The following RNF216 variants were observed in gnomAD, a reference collection of about 807,000 sequenced individuals.
RNF216 encodes the protein E3 ubiquitin-protein ligase RNF216.
In RNF216, 72 loss-of-function variants were observed where a neutral mutation model predicts 110.8. The ratio of observed to expected loss-of-function variants is 0.65; its 90% CI spans 0.54 to 0.79. The LOEUF (loss-of-function observed/expected upper bound fraction) is 0.79, where lower values mean the gene tolerates loss of function less well. Among genes scored for constraint, RNF216 ranks in the 30% least tolerant of loss-of-function variants. The pLI is 0.00. For synonymous variants in RNF216, 495 were observed against 407.5 expected (o/e 1.21, Z -2.59); for missense variants, 1,342 against 1,141.2 (o/e 1.18, Z -2.54).
intron 14 of RNF216, among the ~76,000 whole-genome samples, chr7:5,650,382 C>G (rs1788316556): frequency 2.0e-5 from 3 of 152,186 alleles, no homozygotes; most frequent in African/African-American, 2.4e-5. Context: ...ATAGGACAAT[C>G]AGAATGAAGG....
chr7:5,737,150 T>C (rs993353103), intron 5 of RNF216, among the ~76,000 whole-genome samples: 3 of 152,214 alleles, frequency 2.0e-5, no homozygotes, highest in African/African-American at 7.2e-5. Context: ...GAAGTAGACA[T>C]AGGAGACTCC....
intron 13 of RNF216, among the ~76,000 whole-genome samples, chr7:5,709,781 G>A (rs1435231423): frequency 6.6e-6 from 1 of 152,144 alleles, no homozygotes; most frequent in Non-Finnish European, 1.5e-5. Context: ...TAAAGACAGA[G>A]TCTTAGTCTG....
At chr7:5,763,597 G>C (rs1176197953) in intron 1 of RNF216, among the ~76,000 whole-genome samples, 1 of 152,024 alleles carries the variant, frequency 6.6e-6, no homozygotes, top group Admixed American at 6.6e-5. Flanking sequence ...TTTTGAGCCA[G>C]TCTCTCTCTG....
In RNF216 at chr7:5,691,470, G is replaced by A. The variant is rs528747916; in HGVS notation, c.2061+20291C>T. ...AAGAGAGGTTTCAAGGTTAAAGGCA[G>A]TAATGGAGAGAGCTATGGTGGGGGT... On this transcript the variant is annotated intron_variant, in intron 13 of 16. Coordinates refer to ENST00000389902, the MANE Select transcript of RNF216 (RefSeq NM_207111.4). Among the ~76,000 whole-genome samples, 10 of 151,950 alleles carry A rather than the reference G, an allele frequency of 6.6e-5. No individual in the cohort carries two copies. In the South Asian group the frequency reaches 1.2e-3, roughly 19 times the overall value.
chr7:5,658,058 C>G (rs990756230), intron 13 of RNF216, among the ~76,000 whole-genome samples: 2 of 152,200 alleles, frequency 1.3e-5, no homozygotes, highest in Admixed American at 6.5e-5. Context: ...GCACACACGG[C>G]AGGGGAGCAT....
At chr7:5,631,176 A>T (rs1396830950) in intron 15 of RNF216, among the ~76,000 whole-genome samples, 1 of 152,238 alleles carries the variant, frequency 6.6e-6, no homozygotes, top group Non-Finnish European at 1.5e-5. Context: ...GCCAAAACGC[A>T]GAGCAAGGGG....
At chr7:5,719,646 A>C (rs912963574) in intron 9 of RNF216, among the ~76,000 whole-genome samples, 1 of 152,262 alleles carries the variant, frequency 6.6e-6, no homozygotes, top group Non-Finnish European at 1.5e-5. Context: ...AAGATTGGTG[A>C]TATCAATGAA....
intron 3 of RNF216, among the ~76,000 whole-genome samples, chr7:5,747,745 T>TAAAAAA (rs1562457376): frequency 9.1e-5 from 1 of 11,016 alleles, no homozygotes; most frequent in African/African-American, 3.7e-4. Context: ...AGACTCCATC[T>TAAAAAA]CAAAAAAAAA....
intron 2 of RNF216, among the ~76,000 whole-genome samples, chr7:5,758,068 G>A (rs1203565751): frequency 6.6e-6 from 1 of 152,182 alleles, no homozygotes; most frequent in Non-Finnish European, 1.5e-5. Context: ...CATGATGGGT[G>A]CAGAGTATAC....
chr7:5,756,856 G>A (rs143024330), intron 2 of RNF216, among the ~76,000 whole-genome samples: 11 of 152,178 alleles, frequency 7.2e-5, no homozygotes, highest in African/African-American at 1.9e-4. Context: ...GGCTGGCCTC[G>A]AAATCCTAGG....
chr7:5,668,505 G>A (rs890367348), intron 13 of RNF216, among the ~76,000 whole-genome samples: 10 of 151,968 alleles, frequency 6.6e-5, no homozygotes, highest in African/African-American at 1.7e-4. Context: ...TTACAGATGT[G>A]AGCCACCGTG....
rs1168463360 is a variant in RNF216, at chr7:5,660,943, G to GTTTTTTTTTTTTTT, written c.2062-8447_2062-8434dup. 3.1e-4 allele frequency among the ~76,000 whole-genome samples: 28 copies of GTTTTTTTTTTTTTT among 90,146 alleles called. 1 individual carries two copies. The highest frequency in any genetic ancestry group is 1.5e-3 in the East Asian group (5 of 3,320). The allele number at this position is 90,146 out of a possible 152,430, so 59.1% of individuals were successfully genotyped here. A position where few individuals can be genotyped will look rare whatever the true frequency, so the allele number is the denominator to read the frequency against. On this transcript the variant is annotated intron_variant, in intron 13 of 16. Transcript: ENST00000389902. ...TAGCTCCATGCTCCTGAAGCCTTAGGTTTTTTTTTTTTTTTTTTTTTTTTT... is the reference window on the plus strand; with the variant it reads ...TAGCTCCATGCTCCTGAAGCCTTAGGTTTTTTTTTTTTTTTTTTTTTTTTTTTTTTTTTTTTTTT...
chr7:5,620,602 GAA>G lies in RNF216; in HGVS notation c.*2256_*2257del, dbSNP rs984160995. On this transcript the variant is annotated 3_prime_UTR_variant, in exon 17 of 17. Coordinates refer to ENST00000389902, the MANE Select transcript of RNF216 (RefSeq NM_207111.4). ...CCTCAGGAATCAGGGACCCTCCAAG[GAA>G]AGAGGCCGCCGCTCCTTCCCCACCA... The G allele has an allele frequency of 7.9e-5, 12 of 152,370 alleles. No homozygotes were observed. The highest frequency in any genetic ancestry group is 2.9e-4 in the African/African-American group (12 of 41,444). 9.4% of individuals were successfully genotyped at this position (152,370 alleles called of 1,614,324 possible). A position where few individuals can be genotyped will look rare whatever the true frequency, so the allele number is the denominator to read the frequency against.
At chr7:5,729,931 A>G (rs1793989927) in intron 6 of RNF216, among the ~76,000 whole-genome samples, 1 of 152,160 alleles carries the variant, frequency 6.6e-6, no homozygotes, top group African/African-American at 2.4e-5. Context: ...ATCTATGGGG[A>G]GTTGGAAGAT....
At position 5,710,690 on chromosome 7, in the gene RNF216, C is replaced by T. The variant is rs113309670; in HGVS notation, c.2061+1071G>A. Among the ~76,000 whole-genome samples, 509 of 152,354 alleles carry T rather than the reference C, an allele frequency of 3.3e-3. 1 individual carries two copies. The highest frequency in any genetic ancestry group is 5.6e-3 in the Non-Finnish European group (378 of 68,030). On this transcript the variant is annotated intron_variant, in intron 13 of 16. Coordinates refer to ENST00000389902, the MANE Select transcript of RNF216 (RefSeq NM_207111.4). The stretch of plus-strand genomic sequence containing the variant: ...CACTCCTAGCACCAGTAAGCGTCCA[C>T]ATTGCTGCCACTCCCGGGGCCTAGA...
intron 13 of RNF216, among the ~76,000 whole-genome samples, chr7:5,653,348 T>C (rs533215425): frequency 6.6e-6 from 1 of 152,140 alleles, no homozygotes; most frequent in South Asian, 2.1e-4. Flanking sequence ...CCCAGGAATT[T>C]GGGAGGCCGA....
chr7:5,718,371 A>G (rs1437608204), intron 9 of RNF216, among the ~76,000 whole-genome samples: 1 of 152,110 alleles, frequency 6.6e-6, no homozygotes, highest in Non-Finnish European at 1.5e-5. Flanking sequence ...ACAAAGCGAG[A>G]CTCCGTCTCA....
At chr7:5,652,586 T>C in intron 13 of RNF216, 76 bp from the exon 14 acceptor site, 1 of 940,696 alleles carries the variant, frequency 1.1e-6, no homozygotes, top group Middle Eastern at 2.1e-4. Context: ...ACAAAAGGGA[T>C]ATGAAATGAG....
At position 5,725,091 on chromosome 7, in the gene RNF216, C is replaced by A. The variant is rs376749450; in HGVS notation, c.1504+233G>T. The stretch of plus-strand genomic sequence containing the variant: ...TTCTCACACATGAATTTTCTAACAC[C>A]ACACAAAATTTTCCTCTCACAGTTT... On this transcript the variant is annotated intron_variant, in intron 8 of 16. Coordinates refer to ENST00000389902, the MANE Select transcript of RNF216 (RefSeq NM_207111.4). Among the ~76,000 whole-genome samples the A allele has an allele frequency of 1.2e-4, 19 of 152,256 alleles. No individual in the cohort carries two copies. In the East Asian group the frequency reaches 3.5e-3, roughly 28 times the overall value.
Sources: allele counts gnomAD v4.1 joint callset (sites outside exome capture counted in the v4.1 genomes callset), GRCh38; gene constraint gnomAD v4.1.1; transcripts MANE v1.5; gene names NCBI Gene and HGNC (gene_info 2026-07-23, HGNC 2026-07-21).